Variants in INSC observed in about 807,000 individuals in gnomAD.
INSC encodes the protein protein inscuteable homolog.
Under a neutral mutation model 58.6 loss-of-function variants are expected in INSC, and 67 were observed. The observed-to-expected ratio is 1.14, with a 90% confidence interval of 0.94 to 1.40. The LOEUF (loss-of-function observed/expected upper bound fraction) is 1.40, where lower values mean the gene tolerates loss of function less well. INSC is among the 40% of genes most tolerant of loss of function. INSC has a pLI of 0.00. For synonymous variants in INSC, 262 were observed against 276.1 expected (o/e 0.95, Z 0.51); for missense variants, 714 against 692.0 (o/e 1.03, Z -0.36).
chr11:15,135,444 A>G (rs772364342), intron 1 of INSC, among the ~76,000 whole-genome samples: 22 of 152,186 alleles, frequency 1.4e-4, no homozygotes, highest in Non-Finnish European at 1.5e-4. Flanking sequence ...TGACAACATG[A>G]TTTGCTGAGA....
the INSC span, among the ~76,000 whole-genome samples, chr11:15,266,032 A>T: frequency 6.6e-6 from 1 of 151,940 alleles, no homozygotes; most frequent in African/African-American, 2.4e-5. Flanking sequence ...CTGAGACCAC[A>T]TGCATATTTG....
intron 9 of INSC, among the ~76,000 whole-genome samples, chr11:15,230,410 C>T (rs543065506): frequency 1.3e-5 from 2 of 151,962 alleles, no homozygotes; most frequent in Admixed American, 1.3e-4. Context: ...GGGGGAGGTG[C>T]TTCACCCTTT....
chr11:15,199,464 T>C (rs1380019483), intron 6 of INSC, among the ~76,000 whole-genome samples: 2 of 152,162 alleles, frequency 1.3e-5, no homozygotes, highest in South Asian at 2.1e-4. Flanking sequence ...AGATCTGGAA[T>C]TGAGCTATTT....
At position 15,178,385 on chromosome 11, in the gene INSC, C is replaced by A; in HGVS notation, c.517C>A (p.Leu173Met). 1 of 1,613,760 alleles carries A rather than the reference C, an allele frequency of 6.2e-7. No homozygotes were observed. Residue 173 changes from leucine to methionine, a missense_variant, in exon 5 of 13, where the codon CTG becomes ATG. Coordinates refer to ENST00000379556, the MANE Select transcript of INSC (RefSeq NM_001042536.3). ...KSMKACVSET[L>M]SMLGQHFGQL... The stretch of plus-strand genomic sequence containing the variant: ...AATGAAGGCCTGCGTGAGTGAGACC[C>A]TGAGCATGCTGGGCCAGCACTTTGG...
At chr11:15,220,100 C>T (rs1446755368) in intron 7 of INSC, among the ~76,000 whole-genome samples, 2 of 152,222 alleles carry the variant, frequency 1.3e-5, no homozygotes, top group African/African-American at 4.8e-5. Flanking sequence ...ATGGACCTTA[C>T]AGCTCCCAAG....
intron 1 of INSC, among the ~76,000 whole-genome samples, chr11:15,119,759 A>C (rs1197549383): frequency 6.6e-6 from 1 of 152,216 alleles, no homozygotes; most frequent in African/African-American, 2.4e-5. Context: ...ATGGAGGGTC[A>C]GAGGTGGGCG....
At chr11:15,175,065 C>G (rs1369688613) in intron 2 of INSC, among the ~76,000 whole-genome samples, 1 of 152,128 alleles carries the variant, frequency 6.6e-6, no homozygotes, top group Non-Finnish European at 1.5e-5. Flanking sequence ...AAGTAATATA[C>G]ATGCTCACTA....
At chr11:15,267,840 G>T in the INSC span, among the ~76,000 whole-genome samples, 20 of 151,908 alleles carry the variant, frequency 1.3e-4, no homozygotes, top group African/African-American at 4.8e-4. Context: ...TGCTTTAGGG[G>T]TACTAGATAT....
At chr11:15,230,636 T>G (rs1851891692) in intron 9 of INSC, among the ~76,000 whole-genome samples, 1 of 152,200 alleles carries the variant, frequency 6.6e-6, no homozygotes, top group African/African-American at 2.4e-5. Context: ...CACAACACCC[T>G]GTCCTGACCT....
chr11:15,221,239 T>G (rs1188186609), intron 7 of INSC, among the ~76,000 whole-genome samples: 1 of 151,928 alleles, frequency 6.6e-6, no homozygotes, highest in Non-Finnish European at 1.5e-5. Flanking sequence ...AGGAGGCCCA[T>G]GAAAGGTTAC....
chr11:15,229,683 A>G (rs1851771803), intron 9 of INSC, among the ~76,000 whole-genome samples: 1 of 151,810 alleles, frequency 6.6e-6, no homozygotes, highest in African/African-American at 2.4e-5. Flanking sequence ...AGAGACTGGG[A>G]TGGGTCGGAG....
intron 5 of INSC, among the ~76,000 whole-genome samples, chr11:15,187,748 G>A (rs1850023736): frequency 6.6e-6 from 1 of 152,052 alleles, no homozygotes; most frequent in Admixed American, 6.6e-5. Context: ...TGCATTTTAA[G>A]AAAATGTTTG....
intron 2 of INSC, among the ~76,000 whole-genome samples, chr11:15,149,980 G>A (rs1270787147): frequency 1.3e-5 from 2 of 152,198 alleles, no homozygotes; most frequent in Non-Finnish European, 2.9e-5. Flanking sequence ...TTGGGAGGAA[G>A]ACTCCAGACT....
At chr11:15,150,099 G>A (rs1026471106) in intron 2 of INSC, among the ~76,000 whole-genome samples, 11 of 152,164 alleles carry the variant, frequency 7.2e-5, no homozygotes, top group African/African-American at 2.7e-4. Flanking sequence ...GAGCAACAGA[G>A]AGAGGGTGGT....
chr11:15,188,394 A>G (rs1658013998), intron 5 of INSC: 7 of 982,576 alleles, frequency 7.1e-6, no homozygotes, highest in Admixed American at 6.1e-5. Flanking sequence ...TGGGATGTCA[A>G]ATTCAGAGGG....
intron 9 of INSC, among the ~76,000 whole-genome samples, chr11:15,229,964 AT>A (rs1204672828): frequency 3.1e-3 from 48 of 15,686 alleles, no homozygotes; most frequent in African/African-American, 2.1e-3. Flanking sequence ...ATATATTTAT[AT>A]ATATATATAT....
chr11:15,268,968 G>A, the INSC span, among the ~76,000 whole-genome samples: 4 of 151,984 alleles, frequency 2.6e-5, no homozygotes, highest in South Asian at 6.2e-4. Flanking sequence ...TATAGAAAAT[G>A]TAACATCTGT....
intron 2 of INSC, among the ~76,000 whole-genome samples, chr11:15,152,828 C>T (rs988170035): frequency 2.6e-5 from 4 of 152,122 alleles, no homozygotes; most frequent in African/African-American, 7.2e-5. Context: ...AGAGGAATCT[C>T]GGTACCACAT....
intron 7 of INSC, among the ~76,000 whole-genome samples, chr11:15,208,035 GCTA>G (rs1399451309): frequency 6.6e-6 from 1 of 152,180 alleles, no homozygotes; most frequent in Non-Finnish European, 1.5e-5. Flanking sequence ...CCAAAGCAAA[GCTA>G]CTACTTTCTT....
Sources: gnomAD v4.1 joint callset for allele counts (sites outside exome capture counted in the v4.1 genomes callset) on GRCh38, gnomAD v4.1.1 for gene constraint, MANE v1.5 for transcripts, NCBI Gene and HGNC (gene_info 2026-07-23, HGNC 2026-07-21) for gene names.